TMC5: variants seen among roughly 807,000 people sequenced by gnomAD.
The protein encoded by TMC5 is transmembrane channel-like protein 5.
Under a neutral mutation model 110.5 loss-of-function variants are expected in TMC5, and 86 were observed. The observed-to-expected ratio is 0.78, with a 90% CI of 0.65 to 0.93. TMC5 has a LOEUF of 0.93. Ranked by LOEUF, TMC5 falls within the 40% of genes least tolerant of loss-of-function variation. The probability of loss-of-function intolerance (pLI) is 0.00; values close to 1 mark genes in which losing one functional copy is unlikely to be tolerated. For synonymous variants in TMC5, 455 were observed against 439.5 expected (o/e 1.04, Z -0.44); for missense variants, 1,144 against 1,222.8 (o/e 0.94, Z 0.96).
At chr16:19,497,732 T>C (rs970827929) in intron 21 of TMC5, among the ~76,000 whole-genome samples, 188 bp from the exon 22 acceptor site, 1 of 152,138 alleles carries the variant, frequency 6.6e-6, no homozygotes, top group African/African-American at 2.4e-5. Flanking sequence ...AACCCATTTA[T>C]TTTTGGGGGA....
At chr16:19,444,372 C>T (rs535303290) in intron 4 of TMC5, 122 bp downstream of exon 4, 40 of 869,854 alleles carry the variant, frequency 4.6e-5, no homozygotes, top group East Asian at 2.9e-4. Flanking sequence ...ATCTCAGAGA[C>T]CCTTGTTTTT....
intron 19 of TMC5, 45 bp downstream of exon 19, chr16:19,492,273 A>C: frequency 7.0e-7 from 1 of 1,427,100 alleles, no homozygotes; most frequent in Non-Finnish European, 9.9e-7. Context: ...CACCCTTTTT[A>C]AACGCTGTAT....
Position 19,443,594 on chromosome 16 carries a change from C to T in TMC5, c.789-487C>T, listed in dbSNP as rs561350872. ...TTGAGGGCAGGTACCCCATGTTTTCCTCTTTGTATTCTCACCTTCTAGCCC... is the reference window on the plus strand; with the variant it reads ...TTGAGGGCAGGTACCCCATGTTTTCTTCTTTGTATTCTCACCTTCTAGCCC... On this transcript the variant is annotated intron_variant, in intron 3 of 21. Coordinates refer to ENST00000542583, the MANE Select transcript of TMC5 (RefSeq NM_001261841.2). Among the ~76,000 whole-genome samples, 4 of 152,320 alleles carry T rather than the reference C, an allele frequency of 2.6e-5. No individual in the cohort carries two copies. The East Asian group carries it at 5.8e-4, about 22-fold the overall frequency.
In TMC5 at chr16:19,494,267, C is replaced by A. The variant is rs758199777; in HGVS notation, c.2832C>A (p.Gly944=). The A allele has an allele frequency of 2.5e-5, 41 of 1,610,056 alleles. No homozygotes were observed. The highest frequency in any genetic ancestry group is 3.4e-5 in the Admixed American group (2 of 59,408). Residue 944 remains glycine, a synonymous_variant, in exon 20 of 22, where the codon GGC becomes GGA. Coordinates refer to ENST00000542583, the MANE Select transcript of TMC5 (RefSeq NM_001261841.2). The part of the protein sequence containing the change: ...RLLHEQIINE[G]KDKMFLIEKL... ...TTTGTTTTCCTTCTTGGTAGGAGGG[C>A]AAAGATAAAATGTTCCTGATAGAAA...
At chr16:19,480,791 C>G (rs376935757) in intron 14 of TMC5, among the ~76,000 whole-genome samples, 1 of 125,172 alleles carries the variant, frequency 8.0e-6, no homozygotes, top group East Asian at 2.3e-4. Flanking sequence ...GGTGACACAG[C>G]GAGACTCCAT....
At chr16:19,457,943 C>T (rs1044061593) in intron 5 of TMC5, among the ~76,000 whole-genome samples, 1 of 151,540 alleles carries the variant, frequency 6.6e-6, no homozygotes, top group African/African-American at 2.4e-5. Context: ...AACCTTGTCT[C>T]GAACTCCTGG....
chr16:19,440,706 C>G lies in TMC5; in HGVS notation c.668C>G (p.Pro223Arg). 1 of 1,614,166 alleles carries G rather than the reference C, an allele frequency of 6.2e-7. No individual in the cohort carries two copies. The highest frequency in any genetic ancestry group is 8.5e-7 in the Non-Finnish European group (1 of 1,180,028). ...AACTCTCCACCCTTTTTTGGGGAGC[C>G]AGACTATCCCAGTGCTGAGGACAAT... ...QPNSPPFFGE[P>R]DYPSAEDNQN... is the part of the protein sequence containing the mutation. The change falls in exon 3 of 22, where the codon CCA (proline) becomes CGA (arginine). Residue 223 changes from proline to arginine, a missense_variant. By Grantham distance (103) the Pro-to-Arg change is moderately radical. Coordinates refer to ENST00000542583, the MANE Select transcript of TMC5 (RefSeq NM_001261841.2).
intron 4 of TMC5, among the ~76,000 whole-genome samples, chr16:19,445,001 G>T (rs1967580124): frequency 6.6e-6 from 1 of 152,080 alleles, no homozygotes; most frequent in African/African-American, 2.4e-5. Context: ...CATAGTGGAG[G>T]GCACCTGTAA....
At chr16:19,419,304 G>A (rs1016812550) in intron 1 of TMC5, among the ~76,000 whole-genome samples, 15 of 141,356 alleles carry the variant, frequency 1.1e-4, no homozygotes, top group African/African-American at 3.6e-4. Context: ...TATTACTGTT[G>A]TTGTTATTAT....
chr16:19,474,680 C>T (rs1968442552), intron 12 of TMC5: 1 of 180,102 alleles, frequency 5.6e-6, no homozygotes, highest in Non-Finnish European at 1.2e-5. Context: ...TAAACAACAA[C>T]AAAAGAGTGA....
intron 10 of TMC5, among the ~76,000 whole-genome samples, chr16:19,470,797 G>C (rs948003560): frequency 6.7e-6 from 1 of 149,292 alleles, no homozygotes; most frequent in Non-Finnish European, 1.5e-5. Context: ...AATTTGGGAG[G>C]ACGAGGCAGG....
chr16:19,460,548 TGAGCTG>T (rs1004677948), intron 6 of TMC5, among the ~76,000 whole-genome samples: 6 of 152,148 alleles, frequency 3.9e-5, no homozygotes, highest in Non-Finnish European at 8.8e-5. Context: ...CTCTGCTTGG[TGAGCTG>T]CTTTCCAAAG....
At chr16:19,432,068 C>T (rs1331646719) in intron 2 of TMC5, among the ~76,000 whole-genome samples, 1 of 152,130 alleles carries the variant, frequency 6.6e-6, no homozygotes, top group Non-Finnish European at 1.5e-5. Context: ...CTGGCCTGGC[C>T]TTATGTTAGC....
intron 4 of TMC5, among the ~76,000 whole-genome samples, 161 bp downstream of exon 4, chr16:19,444,411 A>T (rs1967567064): frequency 6.6e-6 from 1 of 152,158 alleles, no homozygotes; most frequent in South Asian, 2.1e-4. Flanking sequence ...TTCAGTGTTT[A>T]GAGAAGCCAA....
chr16:19,420,052 TC>T (rs1271969823), intron 1 of TMC5, among the ~76,000 whole-genome samples: 2 of 151,904 alleles, frequency 1.3e-5, no homozygotes, highest in East Asian at 3.9e-4. Flanking sequence ...GCCTTGAACT[TC>T]TGGGCTTGAG....
rs1172045469 is a variant in TMC5, at chr16:19,481,461, G to T, written c.2359G>T (p.Val787Leu). ...VLELIYAQTL[V>L]WIGIFFCPLL... ...AGAACTGATCTATGCACAAACTCTG[G>T]TGTGGTAAGTTTTGTGACTCAGCAA... Residue 787 changes from valine to leucine, a missense_variant, in exon 15 of 22, where the codon GTG becomes TTG. Coordinates refer to ENST00000542583, the MANE Select transcript of TMC5 (RefSeq NM_001261841.2). 3.7e-6 allele frequency: 6 copies of T among 1,612,476 alleles called. No individual in the cohort carries two copies. The Admixed American group carries it at 6.7e-5, about 18-fold the overall frequency.
intron 1 of TMC5, among the ~76,000 whole-genome samples, chr16:19,412,806 A>G (rs1419953817): frequency 6.6e-6 from 1 of 152,210 alleles, no homozygotes; most frequent in Non-Finnish European, 1.5e-5. Flanking sequence ...CAGTAGTTGC[A>G]TCCATAAAGC....
chr16:19,447,945 G>A (rs1967650668), intron 4 of TMC5, among the ~76,000 whole-genome samples: 1 of 152,018 alleles, frequency 6.6e-6, no homozygotes, highest in South Asian at 2.1e-4. Flanking sequence ...AACAGGGCTG[G>A]GAGTTGATTC....
chr16:19,463,448 G>A, intron 7 of TMC5, 81 bp downstream of exon 7: 1 of 1,186,044 alleles, frequency 8.4e-7, no homozygotes, highest in Admixed American at 1.7e-5. Flanking sequence ...TCAGGGGGAA[G>A]ATGAACCAAA....
Sources: gnomAD v4.1 joint callset for allele counts (sites outside exome capture counted in the v4.1 genomes callset) on GRCh38, gnomAD v4.1.1 for gene constraint, MANE v1.5 for transcripts, NCBI Gene and HGNC (gene_info 2026-07-23, HGNC 2026-07-21) for gene names.